The following HORMAD2 variants were observed in gnomAD, a reference collection of about 807,000 sequenced individuals.
HORMAD2 encodes the protein HORMA domain-containing protein 2.
A neutral mutation model predicts 38.8 loss-of-function variants in HORMAD2; 45 were observed. The observed-to-expected ratio is 1.16, with a 90% CI of 0.91 to 1.49. The LOEUF (loss-of-function observed/expected upper bound fraction) is 1.49. Ranked by LOEUF, HORMAD2 falls within the 40% of genes most tolerant of loss-of-function variation. The pLI, the probability that HORMAD2 is intolerant of heterozygous loss-of-function variation, is 0.00. For synonymous variants in HORMAD2, 126 were observed against 122.8 expected, an observed-to-expected ratio of 1.03 and a Z score of -0.17; for missense variants, 338 against 367.0, an observed-to-expected ratio of 0.92 and a Z score of 0.65.
chr22:30,193,029 A>G, the HORMAD2 span, among the ~76,000 whole-genome samples: 1 of 152,250 alleles, frequency 6.6e-6, no homozygotes, highest in Non-Finnish European at 1.5e-5. Flanking sequence ...GTATTCATTG[A>G]TATATCAAAA....
the HORMAD2 span, among the ~76,000 whole-genome samples, chr22:30,194,589 C>T: frequency 6.6e-6 from 1 of 152,128 alleles, no homozygotes; most frequent in East Asian, 1.9e-4. Flanking sequence ...GAATGGCCAC[C>T]CACTTATGAG....
At chr22:30,125,211 C>CTTTTTTTTTTTT (rs1569099734) in intron 10 of HORMAD2, among the ~76,000 whole-genome samples, 6 of 46,576 alleles carry the variant, frequency 1.3e-4, no homozygotes, top group Non-Finnish European at 2.1e-4. Context: ...CTTTCTTTTT[C>CTTTTTTTTTTTT]TTTTCTTTTT....
chr22:30,124,112 T>C (rs1489184681), intron 10 of HORMAD2, among the ~76,000 whole-genome samples: 2 of 152,138 alleles, frequency 1.3e-5, no homozygotes, highest in Non-Finnish European at 2.9e-5. Flanking sequence ...ATATGTATTA[T>C]ATGGACTTTG....
chr22:30,131,587 A>G (rs1258214378), intron 10 of HORMAD2, among the ~76,000 whole-genome samples: 1 of 152,216 alleles, frequency 6.6e-6, no homozygotes, highest in Non-Finnish European at 1.5e-5. Flanking sequence ...AAGGCAGAGA[A>G]TACTGTTTTC....
At chr22:30,128,543 T>C (rs1345118946) in intron 10 of HORMAD2, among the ~76,000 whole-genome samples, 1 of 152,200 alleles carries the variant, frequency 6.6e-6, no homozygotes, top group East Asian at 1.9e-4. Context: ...AATAAATACC[T>C]TTGCACACAT....
rs374555927 is a variant in HORMAD2, at chr22:30,091,970, C to T, written c.-37-1946C>T. Among the ~76,000 whole-genome samples the T allele has an allele frequency of 1.4e-3, 206 of 151,934 alleles. 4 individuals carry two copies. In the South Asian group the frequency reaches 0.038, roughly 28 times the overall value. On this transcript the variant is annotated intron_variant, in intron 1 of 10. Transcript: ENST00000336726. ...TGGCTAACTGCAACCTCCACCTCCCCGGTTCAAGTGATTCTCCTGCCTCAG... is the reference window on the plus strand; with the variant it reads ...TGGCTAACTGCAACCTCCACCTCCCTGGTTCAAGTGATTCTCCTGCCTCAG...
chr22:30,117,708 CA>C (rs1313098869), intron 7 of HORMAD2, among the ~76,000 whole-genome samples: 1 of 152,100 alleles, frequency 6.6e-6, no homozygotes, highest in African/African-American at 2.4e-5. Context: ...AGGGTTTTCC[CA>C]CATTGGCCAG....
chr22:30,137,954 A>G (rs1166392481), intron 10 of HORMAD2, among the ~76,000 whole-genome samples: 1 of 152,124 alleles, frequency 6.6e-6, no homozygotes, highest in Non-Finnish European at 1.5e-5. Flanking sequence ...TTGCTGGGTC[A>G]TATGTGTTTA....
intron 5 of HORMAD2, among the ~76,000 whole-genome samples, chr22:30,106,593 C>T (rs1364348071): frequency 6.6e-6 from 1 of 152,050 alleles, no homozygotes; most frequent in Non-Finnish European, 1.5e-5. Flanking sequence ...TCACTCATTC[C>T]CCTTCATCCA....
At chr22:30,129,217 CAAAAAAAAAAAAAAAA>C (rs750796623) in intron 10 of HORMAD2, among the ~76,000 whole-genome samples, 120 of 22,574 alleles carry the variant, frequency 5.3e-3, no homozygotes, top group African/African-American at 0.011. Flanking sequence ...GACTCTATCT[CAAAAAAAAAAAAAAAA>C]AAAAAAAAAA....
chr22:30,098,354 C>T (rs913694221), intron 2 of HORMAD2, among the ~76,000 whole-genome samples: 12 of 151,890 alleles, frequency 7.9e-5, no homozygotes, highest in Admixed American at 2.0e-4. Context: ...CAGATATGTA[C>T]GGATAGGTGA....
intron 10 of HORMAD2, among the ~76,000 whole-genome samples, chr22:30,155,404 G>A (rs186537510): frequency 6.6e-6 from 1 of 152,122 alleles, no homozygotes; most frequent in East Asian, 1.9e-4. Flanking sequence ...TTATTTTGAT[G>A]CTCATATTCT....
At chr22:30,147,506 T>A (rs1177496242) in intron 10 of HORMAD2, among the ~76,000 whole-genome samples, 2 of 152,042 alleles carry the variant, frequency 1.3e-5, no homozygotes, top group Non-Finnish European at 2.9e-5. Context: ...GAGCTAAAAT[T>A]ATAAAACTTC....
intron 10 of HORMAD2, among the ~76,000 whole-genome samples, chr22:30,126,860 C>T (rs1444609468): frequency 6.6e-6 from 1 of 152,128 alleles, no homozygotes; most frequent in Non-Finnish European, 1.5e-5. Context: ...CGTTTTCCAT[C>T]GTTAAGATTT....
At chr22:30,121,384 G>T (rs753906361) in intron 8 of HORMAD2, among the ~76,000 whole-genome samples, 25 of 152,102 alleles carry the variant, frequency 1.6e-4, no homozygotes, top group South Asian at 1.0e-3. Flanking sequence ...TGTGGTATAT[G>T]ATTTTTTTCA....
At chr22:30,184,886 A>G in the HORMAD2 span, 1 of 152,248 alleles carries the variant, frequency 6.6e-6, no homozygotes, top group Admixed American at 6.5e-5. Context: ...GTTTCTAGGT[A>G]GATATGGGAC....
At chr22:30,119,399 T>G (rs1922281716) in intron 8 of HORMAD2, among the ~76,000 whole-genome samples, 1 of 152,238 alleles carries the variant, frequency 6.6e-6, no homozygotes, top group South Asian at 2.1e-4. Context: ...ATAGCCAGCC[T>G]GTGCCTAGGG....
chr22:30,187,031 A>G, the HORMAD2 span, among the ~76,000 whole-genome samples: 1 of 152,184 alleles, frequency 6.6e-6, no homozygotes, highest in Admixed American at 6.6e-5. Context: ...GTTGAGGACA[A>G]ACATTGGCTT....
At position 30,129,217 on chromosome 22, in the gene HORMAD2, C is replaced by CAAAAAAAAAAA. The variant is rs750796623; in HGVS notation, c.819+7032_819+7042dup. ...TGGGTGGCAGAGTGAGACTCTATCT[C>CAAAAAAAAAAA]AAAAAAAAAAAAAAAAAAAAAAAAA... On this transcript the variant is annotated intron_variant, in intron 10 of 10. Coordinates refer to ENST00000336726, the MANE Select transcript of HORMAD2 (RefSeq NM_152510.4). Among the ~76,000 whole-genome samples the CAAAAAAAAAAA allele has an allele frequency of 1.3e-4, 3 of 22,644 alleles. 1 individual carries two copies. The highest frequency in any genetic ancestry group is 2.6e-4 in the Non-Finnish European group (3 of 11,588). The allele number at this position is 22,644 out of a possible 152,430, so 14.9% of individuals were successfully genotyped here.
Sources: gnomAD v4.1 joint callset for allele counts (sites outside exome capture counted in the v4.1 genomes callset) on GRCh38, gnomAD v4.1.1 for gene constraint, MANE v1.5 for transcripts, NCBI Gene and HGNC (gene_info 2026-07-23, HGNC 2026-07-21) for gene names.